The following DNAH14 variants were observed in gnomAD, a reference collection of about 807,000 sequenced individuals.
The protein encoded by DNAH14 is axonemal beta dynein heavy chain 14.
In DNAH14, 478 loss-of-function variants were observed where a neutral mutation model predicts 520.9. That is an observed-to-expected ratio of 0.92 (90% CI 0.85 to 0.99). The LOEUF (loss-of-function observed/expected upper bound fraction) is 0.99, where lower values mean the gene tolerates loss of function less well. DNAH14 is among the 50% of genes least tolerant of loss of function. The pLI is 0.00. For synonymous variants in DNAH14, 1,581 were observed against 1,757.2 expected, an observed-to-expected ratio of 0.90 and a Z score of 2.51; for missense variants, 4,831 against 5,234.5, an observed-to-expected ratio of 0.92 and a Z score of 2.38.
intron 10 of DNAH14, among the ~76,000 whole-genome samples, chr1:225,013,426 G>T (rs2064964250): frequency 6.6e-6 from 1 of 152,192 alleles, no homozygotes; most frequent in South Asian, 2.1e-4. Context: ...GTGTTTCCCA[G>T]TCAGGAGGCA....
intron 11 of DNAH14, among the ~76,000 whole-genome samples, chr1:225,026,131 A>G (rs1043916305): frequency 3.3e-5 from 5 of 151,950 alleles, no homozygotes; most frequent in Middle Eastern, 3.4e-3. Context: ...TGCCCAACTA[A>G]GTTATTTGTC....
intron 23 of DNAH14, among the ~76,000 whole-genome samples, chr1:225,110,294 A>C (rs978264373): frequency 1.3e-5 from 2 of 152,076 alleles, no homozygotes; most frequent in South Asian, 2.1e-4. Flanking sequence ...TTCAGCAGTG[A>C]AGCATCAGGT....
intron 8 of DNAH14, among the ~76,000 whole-genome samples, chr1:224,981,932 T>C (rs572053365): frequency 1.3e-5 from 2 of 152,250 alleles, no homozygotes; most frequent in African/African-American, 4.8e-5. Context: ...AAAGGTTACA[T>C]AACTTATAAT....
intron 68 of DNAH14, among the ~76,000 whole-genome samples, chr1:225,340,193 TCTA>T (rs1183733957): frequency 6.6e-6 from 1 of 152,166 alleles, no homozygotes; most frequent in East Asian, 1.9e-4. Flanking sequence ...AGTCAAAACT[TCTA>T]CTATTTAACA....
chr1:225,375,874 G>A lies in DNAH14; in HGVS notation c.12516+989G>A, dbSNP rs188855222. On this transcript the variant is annotated intron_variant, in intron 78 of 85. Transcript: ENST00000682510. ...AACCGAGGCAGGTGGACCACTTGAA[G>A]CCAAGAGTTGGAGAGCAGCCTGGCC... 4.0e-3 allele frequency among the ~76,000 whole-genome samples: 612 copies of A among 152,100 alleles called. 6 individuals carry two copies. The highest frequency in any genetic ancestry group is 0.012 in the African/African-American group (502 of 41,486).
chr1:225,003,023 A>T, intron 9 of DNAH14, 96 bp downstream of exon 9: 2 of 1,120,826 alleles, frequency 1.8e-6, no homozygotes, highest in East Asian at 2.8e-5. Context: ...TTCTAAATTC[A>T]TAAATAAACC....
intron 22 of DNAH14, 48 bp downstream of exon 22, chr1:225,097,287 G>A: frequency 6.8e-7 from 1 of 1,465,674 alleles, no homozygotes; most frequent in Non-Finnish European, 9.1e-7. Flanking sequence ...TGCATTGTGA[G>A]TAATTTATTT....
intron 25 of DNAH14, among the ~76,000 whole-genome samples, chr1:225,118,387 G>A (rs1316365136): frequency 6.6e-6 from 1 of 152,142 alleles, no homozygotes; most frequent in African/African-American, 2.4e-5. Context: ...TGCTTCTGCT[G>A]ATCTCTGGTT....
chr1:225,033,003 A>T (rs973326997), intron 11 of DNAH14, among the ~76,000 whole-genome samples: 5 of 152,104 alleles, frequency 3.3e-5, no homozygotes, highest in Non-Finnish European at 7.4e-5. Flanking sequence ...AAAGTTTGCA[A>T]ATATTTTCCC....
chr1:224,934,168 C>T (rs1158242237), intron 1 of DNAH14, among the ~76,000 whole-genome samples: 1 of 149,960 alleles, frequency 6.7e-6, no homozygotes, highest in Admixed American at 6.6e-5. Context: ...CAGTAAACCT[C>T]CATCAGTAGA....
chr1:224,942,901 T>C (rs2059523798), intron 1 of DNAH14, among the ~76,000 whole-genome samples: 1 of 152,324 alleles, frequency 6.6e-6, no homozygotes, highest in Non-Finnish European at 1.5e-5. Context: ...CTGGATTTGG[T>C]TTGCCAGTAT....
At chr1:225,065,216 G>A (rs1229693411) in intron 17 of DNAH14, among the ~76,000 whole-genome samples, 3 of 151,672 alleles carry the variant, frequency 2.0e-5, no homozygotes, top group African/African-American at 4.8e-5. Flanking sequence ...ATAGTTTGGG[G>A]TTTTACATTG....
intron 10 of DNAH14, among the ~76,000 whole-genome samples, chr1:225,019,019 A>G (rs2147986192): frequency 6.6e-6 from 1 of 152,292 alleles, no homozygotes; most frequent in South Asian, 2.1e-4. Flanking sequence ...AATTAGGTCT[A>G]CATAACAACA....
chr1:225,345,668 TATC>T (rs1448319835), intron 69 of DNAH14, among the ~76,000 whole-genome samples: 2 of 152,200 alleles, frequency 1.3e-5, no homozygotes, highest in Admixed American at 1.3e-4. Flanking sequence ...ATGTATTCCT[TATC>T]ATGGAATGGT....
At chr1:225,058,534 T>G (rs12760268) in intron 17 of DNAH14, among the ~76,000 whole-genome samples, 129,550 of 152,148 alleles carry the variant, frequency 0.85, 58,742 homozygotes, top group Non-Finnish European at 1. Flanking sequence ...ATGTCCTTCA[T>G]TTCTGCTCTG....
intron 17 of DNAH14, among the ~76,000 whole-genome samples, chr1:225,063,805 A>G (rs1443083616): frequency 2.6e-5 from 4 of 152,178 alleles, no homozygotes; most frequent in Non-Finnish European, 4.4e-5. Context: ...ATGAAATCCA[A>G]TGAAAACGAA....
intron 23 of DNAH14, among the ~76,000 whole-genome samples, chr1:225,102,337 G>A (rs2075568466): frequency 1.3e-5 from 2 of 152,028 alleles, no homozygotes; most frequent in Non-Finnish European, 2.9e-5. Context: ...TGTGAATAGT[G>A]CCACAATAAA....
chr1:225,174,869 G>GT (rs930090837), intron 36 of DNAH14, among the ~76,000 whole-genome samples: 12 of 151,854 alleles, frequency 7.9e-5, no homozygotes, highest in East Asian at 5.8e-4. Flanking sequence ...TTTGTTTAAG[G>GT]TTTTTTTTAT....
rs1267250615 is a variant in DNAH14, at chr1:225,159,208, G to T, written c.5274-106G>T. 7.0e-6 allele frequency: 6 copies of T among 854,372 alleles called. No homozygotes were observed. In the African/African-American group the frequency reaches 1.0e-4, roughly 15 times the overall value. 52.9% of individuals were successfully genotyped at this position (854,372 alleles called of 1,614,324 possible). A position where few individuals can be genotyped will look rare whatever the true frequency, so the allele number is the denominator to read the frequency against. On this transcript the variant is annotated intron_variant, in intron 34 of 85. Transcript: ENST00000682510. The stretch of plus-strand genomic sequence containing the variant: ...CTATCCAGTGAGAGAGAGGAGGGAA[G>T]GACATTGGGATAGCCACCCCTAAAA...
Sources: gnomAD v4.1 joint callset for allele counts (sites outside exome capture counted in the v4.1 genomes callset) on GRCh38, gnomAD v4.1.1 for gene constraint, MANE v1.5 for transcripts, NCBI Gene and HGNC (gene_info 2026-07-23, HGNC 2026-07-21) for gene names.